ANKRD13B: variants seen among roughly 807,000 people sequenced by gnomAD.
ANKRD13B encodes ankyrin repeat domain-containing protein 13B.
In ANKRD13B, 33 loss-of-function variants were observed where a neutral mutation model predicts 74.4. The observed-to-expected ratio is 0.44, with a 90% CI of 0.34 to 0.59. ANKRD13B has a LOEUF of 0.59. Ranked by LOEUF, ANKRD13B falls within the 20% of genes least tolerant of loss-of-function variation. The pLI, the probability that ANKRD13B is intolerant of heterozygous loss-of-function variation, is 0.02. For synonymous variants in ANKRD13B, 341 were observed against 362.9 expected, an observed-to-expected ratio of 0.94 and a Z score of 0.68; for missense variants, 676 against 877.9, an observed-to-expected ratio of 0.77 and a Z score of 2.91.
Position 29,609,467 on chromosome 17 carries a change from AC to A in ANKRD13B, c.822+47del, listed in dbSNP as rs1567793313. On this transcript the variant is annotated intron_variant, in intron 7 of 14. Coordinates refer to ENST00000394859, the MANE Select transcript of ANKRD13B (RefSeq NM_152345.5). This position sits in a 1 kb window ranked among gnomAD's most constrained non-coding sequence, Gnocchi z 4.0. ...TGCCAGCCCAGCTGCACTCTTGCCT[AC>A]AGCAAGCTGTACAGGGGATTCTGAC... 1.2e-5 allele frequency: 20 copies of A among 1,603,544 alleles called. No homozygotes were observed. The highest frequency in any genetic ancestry group is 1.6e-5 in the Non-Finnish European group (19 of 1,173,104).
In ANKRD13B at chr17:29,600,090, A is replaced by G. The variant is rs58200244; in HGVS notation, c.114+6355A>G. ...ACGGGGTTTCACCGTGTTAGCCAGG[A>G]TGGTCTCGATCTCCTGACCTCGTGA... On this transcript the variant is annotated intron_variant, in intron 1 of 14. Coordinates refer to ENST00000394859, the MANE Select transcript of ANKRD13B (RefSeq NM_152345.5). Among the ~76,000 whole-genome samples, 3 of 151,874 alleles carry G rather than the reference A, an allele frequency of 2.0e-5. No individual in the cohort carries two copies. In the East Asian group the frequency reaches 5.8e-4, roughly 29 times the overall value.
At position 29,607,982 on chromosome 17, in the gene ANKRD13B, C is replaced by G. The variant is rs929900255; in HGVS notation, c.251-4C>G. 3.7e-6 allele frequency: 6 copies of G among 1,602,314 alleles called. No homozygotes were observed. Among genetic ancestry groups the G allele is most frequent in the Non-Finnish European group, 5.1e-6 (6 of 1,173,284 alleles). On this transcript the variant is annotated splice_region_variant and splice_polypyrimidine_tract_variant and intron_variant, in intron 2 of 14. Coordinates refer to ENST00000394859, the MANE Select transcript of ANKRD13B (RefSeq NM_152345.5). Reference sequence around the variant, plus strand: ...CCCTGTGACCTTGCCTCGCCCTCCCCCAGTGCTCCAGGAGGCTGTGAGTAC... The same window carrying G: ...CCCTGTGACCTTGCCTCGCCCTCCCGCAGTGCTCCAGGAGGCTGTGAGTAC...
In ANKRD13B at chr17:29,611,942, C is replaced by T; in HGVS notation, c.1036C>T (p.Pro346Ser). 2 of 1,614,148 alleles carry T rather than the reference C, an allele frequency of 1.2e-6. No individual in the cohort carries two copies. The highest frequency in any genetic ancestry group is 1.7e-6 in the Non-Finnish European group (2 of 1,179,998). The change falls in exon 10 of 15, where the codon CCC becomes TCC. Residue 346 changes from proline (P) to serine (S), a missense_variant. Around this residue, in one of 4 missense-constraint regions of ANKRD13B, gnomAD observed 328 missense variants for 518.4 expected, o/e 0.63. Coordinates refer to ENST00000394859, the MANE Select transcript of ANKRD13B (RefSeq NM_152345.5). This position sits in a 1 kb window ranked among gnomAD's most constrained non-coding sequence, Gnocchi z 4.3. The part of the protein sequence containing the change: ...TAITAEEYFN[P>S]NFELGNRDMG... ...CATCACTGCAGAAGAATACTTCAAC[C>T]CCAACTTTGAGCTGGGCAACCGTGA...
intron 1 of ANKRD13B, among the ~76,000 whole-genome samples, chr17:29,597,025 G>T (rs1376783898): frequency 2.0e-5 from 3 of 152,154 alleles, no homozygotes; most frequent in Non-Finnish European, 4.4e-5. Flanking sequence ...ACCTGCCCCT[G>T]CACCCCACGC....
intron 1 of ANKRD13B, among the ~76,000 whole-genome samples, chr17:29,607,535 C>T (rs2034431140): frequency 6.6e-6 from 1 of 152,240 alleles, no homozygotes; most frequent in Non-Finnish European, 1.5e-5. Flanking sequence ...AAGCCCCTTT[C>T]CATCCACGTG....
In ANKRD13B at chr17:29,612,820, G is replaced by A. The variant is rs2034640039; in HGVS notation, c.1575+5G>A. 2 of 1,601,142 alleles carry A rather than the reference G, an allele frequency of 1.2e-6. No homozygotes were observed. The highest frequency in any genetic ancestry group is 1.7e-5 in the Admixed American group (1 of 59,720). ...GCGGGCAGTGAGTATGACCAGGTGC[G>A]TCTCCGCGGGCGCGCGGGGCCACGG... is the stretch of plus-strand genomic sequence containing the variant. On this transcript the variant is annotated splice_donor_5th_base_variant and intron_variant, in intron 13 of 14. Transcript: ENST00000394859. This position sits in a 1 kb window ranked among gnomAD's most constrained non-coding sequence, Gnocchi z 6.1.
Position 29,608,301 on chromosome 17 carries a change from C to T in ANKRD13B, c.421+61C>T, listed in dbSNP as rs1206324072. ...CCACTTTAGGTCCTGCGCTTGCTCCCCTGCCTGGAATGTGTTCTCATAGTT... is the reference window on the plus strand; with the variant it reads ...CCACTTTAGGTCCTGCGCTTGCTCCTCTGCCTGGAATGTGTTCTCATAGTT... On this transcript the variant is annotated intron_variant, in intron 4 of 14. Coordinates refer to ENST00000394859, the MANE Select transcript of ANKRD13B (RefSeq NM_152345.5). This position sits in a 1 kb window ranked among gnomAD's most constrained non-coding sequence, Gnocchi z 6.4. 6.2e-7 allele frequency: 1 copy of T among 1,604,772 alleles called. No individual in the cohort carries two copies. Among genetic ancestry groups the T allele is most frequent in the Non-Finnish European group, 8.5e-7 (1 of 1,173,570 alleles).
chr17:29,596,032 C>T (rs1409696316), intron 1 of ANKRD13B, among the ~76,000 whole-genome samples: 1 of 151,972 alleles, frequency 6.6e-6, no homozygotes, highest in Non-Finnish European at 1.5e-5. Flanking sequence ...CCAGGGGTCC[C>T]TGGCCTCTAG....
chr17:29,593,854 T>G, intron 1 of ANKRD13B, 119 bp downstream of exon 1: 4 of 447,770 alleles, frequency 8.9e-6, no homozygotes, highest in South Asian at 6.6e-5. Context: ...GCGTCTTTGT[T>G]TGCGGCCGCG....
rs759444785 is a variant in ANKRD13B at position 29,612,881 on chromosome 17, C to A, written c.1576-6C>A. On this transcript the variant is annotated splice_region_variant and splice_polypyrimidine_tract_variant and intron_variant, in intron 13 of 14. Transcript: ENST00000394859. The surrounding 1 kb of genome is among the most constrained non-coding windows in gnomAD (Gnocchi z 6.1). The stretch of plus-strand genomic sequence containing the variant: ...CGCCACGGCTAACGCCCACGCCTCC[C>A]CGCAGGTCACCATCTGGGAGGCGCT... 1.3e-6 allele frequency: 2 copies of A among 1,599,102 alleles called. No individual in the cohort carries two copies. The highest frequency in any genetic ancestry group is 1.7e-6 in the Non-Finnish European group (2 of 1,179,520).
At chr17:29,600,144 G>A (rs2034116601) in intron 1 of ANKRD13B, among the ~76,000 whole-genome samples, 1 of 152,100 alleles carries the variant, frequency 6.6e-6, no homozygotes, top group Non-Finnish European at 1.5e-5. Context: ...CCAAAGAGCT[G>A]GGATTACAGG....
In ANKRD13B at chr17:29,608,771, C is replaced by T; in HGVS notation, c.422-80C>T. 6.4e-7 allele frequency: 1 copy of T among 1,569,518 alleles called. No homozygotes were observed. The highest frequency in any genetic ancestry group is 8.7e-7 in the Non-Finnish European group (1 of 1,152,842). On this transcript the variant is annotated intron_variant, in intron 4 of 14. Transcript: ENST00000394859. This position sits in a 1 kb window ranked among gnomAD's most constrained non-coding sequence, Gnocchi z 6.4. ...CTCCCCTGTTCCTGGCCACACGGAT[C>T]CCAAACCCCATGCCCTGAGCTGGTC...
Position 29,612,995 on chromosome 17 carries a change from C to G in ANKRD13B, c.1652+32C>G, listed in dbSNP as rs757978866. ...GCCCGCTGGGCCGGAGAGAATCCTC[C>G]GGAGAGGATCCTGTCTCCCCTAAGC... is the stretch of plus-strand genomic sequence containing the variant. On this transcript the variant is annotated intron_variant, in intron 14 of 14. Transcript: ENST00000394859. The surrounding 1 kb of genome is among the most constrained non-coding windows in gnomAD (Gnocchi z 6.1). 4 of 1,583,342 alleles carry G rather than the reference C, an allele frequency of 2.5e-6. No individual in the cohort carries two copies. Among genetic ancestry groups the G allele is most frequent in the African/African-American group, 1.3e-5 (1 of 74,672 alleles).
chr17:29,607,489 C>T (rs2034429889), intron 1 of ANKRD13B, among the ~76,000 whole-genome samples: 1 of 152,212 alleles, frequency 6.6e-6, no homozygotes, highest in Admixed American at 6.5e-5. Flanking sequence ...GGAGGAAGCC[C>T]TCCCTCTTCC....
At chr17:29,596,133 CTCT>C (rs1028462620) in intron 1 of ANKRD13B, among the ~76,000 whole-genome samples, 3 of 152,396 alleles carry the variant, frequency 2.0e-5, no homozygotes, top group Admixed American at 2.0e-4. Flanking sequence ...GCATAGCTGC[CTCT>C]TCTTCACTCC....
Position 29,607,885 on chromosome 17 carries a change from G to A in ANKRD13B, c.250+8G>A, listed in dbSNP as rs2034445095. Reference sequence around the variant, plus strand: ...ATCGCAGCGGCTGGACAGGTGGGCAGCCCTGCTCACCCCAGCCCCACAGCC... The same window carrying A: ...ATCGCAGCGGCTGGACAGGTGGGCAACCCTGCTCACCCCAGCCCCACAGCC... On this transcript the variant is annotated splice_region_variant and intron_variant, in intron 2 of 14. Transcript: ENST00000394859. 1.9e-6 allele frequency: 3 copies of A among 1,592,700 alleles called. No homozygotes were observed. The East Asian group carries it at 6.7e-5, about 36-fold the overall frequency.
chr17:29,603,214 T>C (rs187357118), intron 1 of ANKRD13B, among the ~76,000 whole-genome samples: 12 of 152,298 alleles, frequency 7.9e-5, no homozygotes, highest in African/African-American at 2.2e-4. Flanking sequence ...CCAATAGATA[T>C]ATGTTACAAT....
chr17:29,608,180 C>T lies in ANKRD13B; in HGVS notation c.376-15C>T, dbSNP rs376863719. 3.7e-6 allele frequency: 6 copies of T among 1,614,198 alleles called. No homozygotes were observed. The highest frequency in any genetic ancestry group is 3.3e-5 in the Admixed American group (2 of 60,030). ...CTCCAGTGCAGACTTAGCCTCTCTC[C>T]CCTTCGTCCTCCAGGCCCAGGACTT... On this transcript the variant is annotated splice_polypyrimidine_tract_variant and intron_variant, in intron 3 of 14. Transcript: ENST00000394859. This position sits in a 1 kb window ranked among gnomAD's most constrained non-coding sequence, Gnocchi z 6.4.
rs760354824 is a variant in ANKRD13B, at chr17:29,611,123, T to C, written c.904+357T>C. On this transcript the variant is annotated intron_variant, in intron 8 of 14. Transcript: ENST00000394859. This position sits in a 1 kb window ranked among gnomAD's most constrained non-coding sequence, Gnocchi z 4.3. ...TCAGGGGACCTTGCCACAGATTCTG[T>C]ATGCCCATTGATGCCACACCTGATT... Among the ~76,000 whole-genome samples the C allele has an allele frequency of 6.6e-6, 1 of 152,208 alleles. No homozygotes were observed. Among genetic ancestry groups the C allele is most frequent in the Non-Finnish European group, 1.5e-5 (1 of 68,036 alleles).
Sources: gnomAD v4.1 joint callset for allele counts (sites outside exome capture counted in the v4.1 genomes callset) on GRCh38, gnomAD v4.1.1 for gene constraint, gnomAD v4.1.1 regional missense constraint, Gnocchi (gnomAD v3.1) non-coding constraint, MANE v1.5 for transcripts, NCBI Gene and HGNC (gene_info 2026-07-23, HGNC 2026-07-21) for gene names.